The following FNDC1 variants were observed in gnomAD, a reference collection of about 807,000 sequenced individuals.
FNDC1 encodes the protein fibronectin type III domain containing 1, also known as fibronectin type III domain-containing protein 1.
Under a neutral mutation model 168.0 loss-of-function variants are expected in FNDC1, and 96 were observed. The observed-to-expected ratio is 0.57, with a 90% CI of 0.48 to 0.68. The LOEUF is 0.68. Among genes scored for constraint, FNDC1 ranks in the 30% least tolerant of loss-of-function variants. FNDC1 has a pLI of 0.00. For synonymous variants in FNDC1, 1,099 were observed against 1,025.9 expected, an observed-to-expected ratio of 1.07 and a Z score of -1.36; for missense variants, 2,587 against 2,482.1, an observed-to-expected ratio of 1.04 and a Z score of -0.90.
At chr6:159,220,405 T>C (rs1473065698) in intron 5 of FNDC1, among the ~76,000 whole-genome samples, 1 of 152,214 alleles carries the variant, frequency 6.6e-6, no homozygotes, top group Admixed American at 6.5e-5. Context: ...ATTATAACTA[T>C]TGGCACTAGA....
rs1264176448 is a variant in FNDC1, at chr6:159,233,463, C to G, written c.2951C>G (p.Ala984Gly). Residue 984 changes from alanine (A) to glycine (G), a missense_variant, in exon 11 of 23, where the codon GCA becomes GGA. Coordinates refer to ENST00000297267, the MANE Select transcript of FNDC1 (RefSeq NM_032532.3). The surrounding 1 kb of genome is among the most constrained non-coding windows in gnomAD (Gnocchi z 4.6). ...GCGTCCCCTGCTCGTCCGCCCGCAG[C>G]ACGGTCACAGCAGCATCCCAGTGTT... Reference protein sequence around the residue: ...RHASPARPPAARSQQHPSVPR... With the variant: ...RHASPARPPAGRSQQHPSVPR... 1 of 1,606,578 alleles carries G rather than the reference C, an allele frequency of 6.2e-7. No homozygotes were observed. The highest frequency in any genetic ancestry group is 8.5e-7 in the Non-Finnish European group (1 of 1,178,802).
At chr6:159,184,738 G>T (rs561412527) in intron 1 of FNDC1, among the ~76,000 whole-genome samples, 1 of 152,306 alleles carries the variant, frequency 6.6e-6, no homozygotes, top group African/African-American at 2.4e-5. Flanking sequence ...TTTTCAGGGA[G>T]TGGTTTTTGG....
intron 4 of FNDC1, among the ~76,000 whole-genome samples, chr6:159,208,252 G>A (rs1001257763): frequency 2.0e-5 from 3 of 152,332 alleles, no homozygotes; most frequent in Admixed American, 1.3e-4. Context: ...AGATGGCACA[G>A]CGATGTCTAC....
chr6:159,261,040 GACATGAAGAATC>G, intron 18 of FNDC1, 138 bp from the exon 19 acceptor site: 1 of 595,636 alleles, frequency 1.7e-6, no homozygotes, highest in South Asian at 2.2e-5. Context: ...TTCAGAAAAA[GACATGAAGAATC>G]ACTAGTGCTG....
chr6:159,189,251 C>T (rs1024903598), intron 1 of FNDC1, among the ~76,000 whole-genome samples: 1 of 152,134 alleles, frequency 6.6e-6, no homozygotes, highest in African/African-American at 2.4e-5. Context: ...GGAACTCTCT[C>T]CTCACCTCTG....
intron 4 of FNDC1, among the ~76,000 whole-genome samples, chr6:159,211,923 A>G (rs534924340): frequency 2.0e-5 from 3 of 152,380 alleles, no homozygotes; most frequent in Non-Finnish European, 2.9e-5. Flanking sequence ...TAACTAGCAT[A>G]GAATGGGTAA....
At chr6:159,254,152 G>A (rs574150314) in intron 17 of FNDC1, among the ~76,000 whole-genome samples, 15 of 152,272 alleles carry the variant, frequency 9.9e-5, no homozygotes, top group South Asian at 2.1e-4. Flanking sequence ...ATAAAATCAC[G>A]TGCACCTCTT....
chr6:159,270,501 G>A (rs992807657), intron 22 of FNDC1, among the ~76,000 whole-genome samples: 2 of 152,164 alleles, frequency 1.3e-5, no homozygotes, highest in African/African-American at 4.8e-5. Flanking sequence ...TGGTGTCCCT[G>A]TGACTGTGGT....
At chr6:159,235,765 T>C (rs1191940441) in intron 11 of FNDC1, among the ~76,000 whole-genome samples, 1 of 152,208 alleles carries the variant, frequency 6.6e-6, no homozygotes, top group East Asian at 1.9e-4. Context: ...TACTCGGCGA[T>C]TGGTGATTGG....
At chr6:159,256,308 G>A (rs144620587) in intron 17 of FNDC1, among the ~76,000 whole-genome samples, 25 of 152,326 alleles carry the variant, frequency 1.6e-4, no homozygotes, top group African/African-American at 5.5e-4. Context: ...GCAGGCATCA[G>A]GAAGTGTCTT....
At chr6:159,246,518 G>A (rs747531636) in intron 14 of FNDC1, among the ~76,000 whole-genome samples, 16 of 152,214 alleles carry the variant, frequency 1.1e-4, no homozygotes, top group East Asian at 1.9e-4. Context: ...TCCTGAGAGC[G>A]CCTGCTGTGG....
intron 5 of FNDC1, among the ~76,000 whole-genome samples, chr6:159,215,470 AT>A (rs1052658792): frequency 6.6e-6 from 1 of 152,112 alleles, no homozygotes; most frequent in Admixed American, 6.5e-5. Context: ...TGTTTTTGTC[AT>A]TTTGTTCTTT....
Position 159,225,740 on chromosome 6 carries a change from C to T in FNDC1, c.1072+18C>T, listed in dbSNP as rs1782942464. ...AGAATCTGGTCTGTATTTGAAATGGCCTTTGAATTTTCAATTTGGGAATTA... is the reference window on the plus strand; with the variant it reads ...AGAATCTGGTCTGTATTTGAAATGGTCTTTGAATTTTCAATTTGGGAATTA... On this transcript the variant is annotated intron_variant, in intron 8 of 22. Coordinates refer to ENST00000297267, the MANE Select transcript of FNDC1 (RefSeq NM_032532.3). 6.4e-7 allele frequency: 1 copy of T among 1,563,450 alleles called. No homozygotes were observed. The highest frequency in any genetic ancestry group is 1.2e-5 in the South Asian group (1 of 84,654).
At position 159,249,070 on chromosome 6, in the gene FNDC1, C is replaced by A; in HGVS notation, c.4722C>A (p.Thr1574=). ...DYEFETSRPP[T]TTEPSTTATT... is the part of the protein sequence containing the mutation. Reference sequence around the variant, plus strand: ...AATTTGAGACGTCAAGGCCACCAACCACCACTGAGCCTTCGACCACTGCTA... The same window carrying A: ...AATTTGAGACGTCAAGGCCACCAACAACCACTGAGCCTTCGACCACTGCTA... The change falls in exon 16 of 23, where the codon ACC becomes ACA. Residue 1574 remains threonine (T), a synonymous_variant. Coordinates refer to ENST00000297267, the MANE Select transcript of FNDC1 (RefSeq NM_032532.3). 6.2e-7 allele frequency: 1 copy of A among 1,603,416 alleles called. No individual in the cohort carries two copies. The highest frequency in any genetic ancestry group is 8.5e-7 in the Non-Finnish European group (1 of 1,174,806).
In FNDC1 at chr6:159,232,626, C is replaced by A. The variant is rs1481748055; in HGVS notation, c.2114C>A (p.Ala705Asp). 3.1e-6 allele frequency: 5 copies of A among 1,610,490 alleles called. No homozygotes were observed. The highest frequency in any genetic ancestry group is 2.2e-5 in the East Asian group (1 of 44,794). The change falls in exon 11 of 23, where the codon GCC (alanine) becomes GAC (aspartate). Residue 705 changes from alanine (A) to aspartate (D), a missense_variant. By Grantham distance (126) the Ala-to-Asp change is moderately radical. Transcript: ENST00000297267. The surrounding 1 kb of genome is among the most constrained non-coding windows in gnomAD (Gnocchi z 4.9). ...GCCCGGAGGACCCCCCATTCAGGGG[C>A]CGCAGAGGAAGATTCCAGTGCCTCA... ...SPARRTPHSG[A>D]AEEDSSASAP...
rs774859560 is a variant in FNDC1 at position 159,267,848 on chromosome 6, C to T, written c.5491C>T (p.His1831Tyr). Residue 1831 changes from histidine (H) to tyrosine (Y), a missense_variant, in exon 22 of 23, where the codon CAT becomes TAT. Coordinates refer to ENST00000297267, the MANE Select transcript of FNDC1 (RefSeq NM_032532.3). ...AGACAGCTGGGGAAGAGGTGAAGAC[C>T]ATTGCCAATTTGTGGATTCACACCT... ...IGDSWGRGED[H>Y]CQFVDSHLDG... The T allele has an allele frequency of 1.2e-6, 2 of 1,613,598 alleles. No individual in the cohort carries two copies. Among genetic ancestry groups the T allele is most frequent in the Non-Finnish European group, 1.7e-6 (2 of 1,179,760 alleles).
At chr6:159,265,294 A>G (rs1777566880) in intron 20 of FNDC1, among the ~76,000 whole-genome samples, 1 of 152,224 alleles carries the variant, frequency 6.6e-6, no homozygotes, top group Admixed American at 6.5e-5. Context: ...AATATTTTAA[A>G]TCACTGAAAA....
chr6:159,242,058 C>T (rs911411535), intron 14 of FNDC1, among the ~76,000 whole-genome samples: 1 of 152,046 alleles, frequency 6.6e-6, no homozygotes, highest in African/African-American at 2.4e-5. Context: ...GCACTATTCA[C>T]AATAGCAAAG....
intron 5 of FNDC1, among the ~76,000 whole-genome samples, chr6:159,215,878 G>T (rs1233602508): frequency 6.6e-6 from 1 of 152,122 alleles, no homozygotes; most frequent in Non-Finnish European, 1.5e-5. Flanking sequence ...CCAGATTGAG[G>T]GTGCGTCTGC....
Sources: allele counts gnomAD v4.1 joint callset (sites outside exome capture counted in the v4.1 genomes callset), GRCh38; gene constraint gnomAD v4.1.1; non-coding constraint Gnocchi (gnomAD v3.1); transcripts MANE v1.5; gene names NCBI Gene and HGNC (gene_info 2026-07-23, HGNC 2026-07-21).